DCAF10: variants seen among roughly 807,000 people sequenced by gnomAD.
The protein encoded by DCAF10 is DDB1- and CUL4-associated factor 10.
Under a neutral mutation model 51.9 loss-of-function variants are expected in DCAF10, and 19 were observed. That is an observed-to-expected ratio of 0.37 (90% confidence interval 0.26 to 0.54). DCAF10 has a LOEUF of 0.54. Among genes scored for constraint, DCAF10 ranks in the 20% least tolerant of loss-of-function variants. The pLI is 0.87. For synonymous variants in DCAF10, 291 were observed against 297.1 expected, an observed-to-expected ratio of 0.98 and a Z score of 0.21; for missense variants, 510 against 730.6, an observed-to-expected ratio of 0.70 and a Z score of 3.48.
upstream of DCAF10, chr9:37,800,695 A>G (rs10814624): frequency 0.16 from 247,233 of 1,535,606 alleles, 21,220 homozygotes; most frequent in African/African-American, 0.27. Context: ...GGCGCCCCAA[A>G]CCCGGCGGTG....
At position 37,814,080 on chromosome 9, in the gene DCAF10, C is replaced by CTATATATATA. The variant is rs58660288; in HGVS notation, c.540-5170_540-5161dup. The stretch of plus-strand genomic sequence containing the variant: ...TGAACCACTTTGAAACTATTTGTCA[C>CTATATATATA]TATATATATATATATATATATATAT... On this transcript the variant is annotated intron_variant, in intron 1 of 6. Coordinates refer to ENST00000377724, the MANE Select transcript of DCAF10 (RefSeq NM_024345.5). 4.9e-3 allele frequency among the ~76,000 whole-genome samples: 232 copies of CTATATATATA among 47,046 alleles called. 6 individuals are homozygous for CTATATATATA. The highest frequency in any genetic ancestry group is 6.0e-3 in the Non-Finnish European group (151 of 25,142). The allele number at this position is 47,046 out of a possible 152,430, so 30.9% of individuals were successfully genotyped here. A position where few individuals can be genotyped will look rare whatever the true frequency, so the allele number is the denominator to read the frequency against.
rs1011270389 is a variant in DCAF10 at position 37,862,202 on chromosome 9, A to C, written c.*694A>C. 6.5e-5 allele frequency: 10 copies of C among 152,720 alleles called. No individual in the cohort carries two copies. Among genetic ancestry groups the C allele is most frequent in the African/African-American group, 2.2e-4 (9 of 41,558 alleles). The allele number at this position is 152,720 out of a possible 1,614,324, so 9.5% of individuals were successfully genotyped here. On this transcript the variant is annotated 3_prime_UTR_variant, in exon 7 of 7. Coordinates refer to ENST00000377724, the MANE Select transcript of DCAF10 (RefSeq NM_024345.5). The stretch of plus-strand genomic sequence containing the variant: ...AAAAAATATTACCACCTCTCTTTGT[A>C]ATTTACTTTACTTGTATGAATTTAA...
At chr9:37,808,715 A>T (rs1299344945) in intron 1 of DCAF10, among the ~76,000 whole-genome samples, 1 of 126,464 alleles carries the variant, frequency 7.9e-6, no homozygotes, top group East Asian at 2.0e-4. Flanking sequence ...ATATTTATAT[A>T]TAAAATTTAT....
At chr9:37,830,942 G>C (rs1829987697) in intron 2 of DCAF10, among the ~76,000 whole-genome samples, 1 of 152,208 alleles carries the variant, frequency 6.6e-6, no homozygotes, top group Non-Finnish European at 1.5e-5. Flanking sequence ...AAGAGTTTTG[G>C]CTGGGCGCAG....
rs1349357594 is a variant in DCAF10, at chr9:37,801,374, G to A, written c.508G>A (p.Ala170Thr). Reference protein sequence around the residue: ...SVYLSTRTHGAVFNLEYSPDG... With the variant: ...SVYLSTRTHGTVFNLEYSPDG... Reference sequence around the variant, plus strand: ...GTACCTCAGCACCCGCACCCACGGCGCCGTCTTCAACCTCGAGTACTCGCC... The same window carrying A: ...GTACCTCAGCACCCGCACCCACGGCACCGTCTTCAACCTCGAGTACTCGCC... The change falls in exon 1 of 7, where the codon GCC (alanine) becomes ACC (threonine). Residue 170 changes from alanine to threonine, a missense_variant. Ala to Thr is a moderately conservative substitution (Grantham distance 58). Transcript: ENST00000377724. The surrounding 1 kb of genome is among the most constrained non-coding windows in gnomAD (Gnocchi z 5.5). 1.9e-6 allele frequency: 3 copies of A among 1,542,756 alleles called. No individual in the cohort carries two copies. Among genetic ancestry groups the A allele is most frequent in the Non-Finnish European group, 1.7e-6 (2 of 1,146,216 alleles).
rs766270304 is a variant in DCAF10, at chr9:37,854,906, T to C, written c.978T>C (p.His326=). 6.8e-6 allele frequency: 11 copies of C among 1,613,960 alleles called. No homozygotes were observed. The highest frequency in any genetic ancestry group is 9.3e-6 in the Non-Finnish European group (11 of 1,179,994). ...STSSGYLLIL[H]DLDLTKSLEV... is the part of the protein sequence containing the mutation. The stretch of plus-strand genomic sequence containing the variant: ...CCTCTGGATATCTCTTAATTTTGCA[T>C]GACCTTGACTTAACTAAGTCTTTAG... The change falls in exon 4 of 7, where the codon CAT becomes CAC. Residue 326 remains histidine (H), a synonymous_variant. Coordinates refer to ENST00000377724, the MANE Select transcript of DCAF10 (RefSeq NM_024345.5).
chr9:37,810,830 C>T (rs1243489481), intron 1 of DCAF10, among the ~76,000 whole-genome samples: 1 of 151,962 alleles, frequency 6.6e-6, no homozygotes, highest in Admixed American at 6.6e-5. Context: ...ATTTAGGATC[C>T]GCAATTTAGG....
rs1296461929 is a variant in DCAF10 at position 37,864,637 on chromosome 9, C to G, written c.*3129C>G. On this transcript the variant is annotated 3_prime_UTR_variant, in exon 7 of 7. Coordinates refer to ENST00000377724, the MANE Select transcript of DCAF10 (RefSeq NM_024345.5). Reference sequence around the variant, plus strand: ...AAAATTAGTTTTGGAGGTGAAAACACCCAAACTGTTATTATTTAAAAATAC... The same window carrying G: ...AAAATTAGTTTTGGAGGTGAAAACAGCCAAACTGTTATTATTTAAAAATAC... The G allele has an allele frequency of 6.6e-6, 1 of 151,198 alleles. No individual in the cohort carries two copies. Among genetic ancestry groups the G allele is most frequent in the East Asian group, 1.9e-4 (1 of 5,184 alleles). The allele number at this position is 151,198 out of a possible 1,614,324, so 9.4% of individuals were successfully genotyped here.
In DCAF10 at chr9:37,801,298, T is replaced by C. The variant is rs1828932008; in HGVS notation, c.432T>C (p.Asn144=). The C allele has an allele frequency of 6.3e-7, 1 of 1,597,418 alleles. No individual in the cohort carries two copies. Among genetic ancestry groups the C allele is most frequent in the Non-Finnish European group, 8.5e-7 (1 of 1,174,548 alleles). Residue 144 remains asparagine (N), a synonymous_variant, in exon 1 of 7, where the codon AAT becomes AAC. Coordinates refer to ENST00000377724, the MANE Select transcript of DCAF10 (RefSeq NM_024345.5). The surrounding 1 kb of genome is among the most constrained non-coding windows in gnomAD (Gnocchi z 5.5). ...RGLFVDPARD[N]FRTMTSLYGS... ...TGTTCGTGGACCCGGCGCGGGACAA[T>C]TTTCGCACCATGACTAGCCTCTACG...
chr9:37,852,570 C>A (rs924220478), intron 3 of DCAF10, among the ~76,000 whole-genome samples: 1 of 151,856 alleles, frequency 6.6e-6, no homozygotes, highest in Admixed American at 6.6e-5. Flanking sequence ...TGCACCCCAG[C>A]CTGGGCAACA....
chr9:37,806,473 T>C (rs970015141), intron 1 of DCAF10, among the ~76,000 whole-genome samples: 2 of 152,202 alleles, frequency 1.3e-5, no homozygotes, highest in Non-Finnish European at 2.9e-5. Flanking sequence ...ACCATCTGGC[T>C]TCCCTAAGAG....
chr9:37,824,607 TGAG>T (rs1167907077), intron 2 of DCAF10, among the ~76,000 whole-genome samples: 2 of 147,450 alleles, frequency 1.4e-5, no homozygotes, highest in Non-Finnish European at 3.0e-5. Context: ...ATATAGAAAA[TGAG>T]AAGTAGAAAG....
intron 1 of DCAF10, among the ~76,000 whole-genome samples, chr9:37,816,347 G>C (rs898817505): frequency 6.6e-6 from 1 of 152,218 alleles, no homozygotes; most frequent in Non-Finnish European, 1.5e-5. Context: ...CCAGCACTTT[G>C]GGAGGCTGAG....
intron 1 of DCAF10, among the ~76,000 whole-genome samples, chr9:37,810,859 C>T (rs7030360): frequency 0.18 from 27,889 of 151,964 alleles, 2,856 homozygotes; most frequent in African/African-American, 0.26. Flanking sequence ...TGAAACTCCC[C>T]TCCCCTCACC....
At chr9:37,860,362 T>C in intron 6 of DCAF10, 169 bp downstream of exon 6, 2 of 838,364 alleles carry the variant, frequency 2.4e-6, no homozygotes, top group South Asian at 2.0e-5. Flanking sequence ...CTTCATATGG[T>C]ATCATTATCC....
chr9:37,809,922 G>A (rs554317121), intron 1 of DCAF10, among the ~76,000 whole-genome samples: 2 of 152,128 alleles, frequency 1.3e-5, no homozygotes, highest in African/African-American at 4.8e-5. Context: ...AGGCCAAGGC[G>A]GCTGGATCAC....
chr9:37,803,230 A>T (rs973955258), intron 1 of DCAF10, among the ~76,000 whole-genome samples: 8 of 152,340 alleles, frequency 5.3e-5, no homozygotes, highest in African/African-American at 1.9e-4. Context: ...GATCCCAGAG[A>T]TTAAATGGAT....
At chr9:37,812,304 C>A (rs1829373262) in intron 1 of DCAF10, among the ~76,000 whole-genome samples, 1 of 151,618 alleles carries the variant, frequency 6.6e-6, no homozygotes, top group Non-Finnish European at 1.5e-5. Flanking sequence ...AATATAAAGC[C>A]ACACTTAGCT....
chr9:37,867,092 T>A lies in DCAF10; in HGVS notation c.*5584T>A, dbSNP rs1042983344. 1.3e-5 allele frequency: 2 copies of A among 152,156 alleles called. No homozygotes were observed. Among genetic ancestry groups the A allele is most frequent in the African/African-American group, 4.8e-5 (2 of 41,442 alleles). The allele number at this position is 152,156 out of a possible 1,614,324, so 9.4% of individuals were successfully genotyped here. The stretch of plus-strand genomic sequence containing the variant: ...GTCCTAAGAATTTCTCCCATTCAAA[T>A]GATAATGGAAATTACTGTCAAAAGG... On this transcript the variant is annotated 3_prime_UTR_variant, in exon 7 of 7. Coordinates refer to ENST00000377724, the MANE Select transcript of DCAF10 (RefSeq NM_024345.5).
Sources: gnomAD v4.1 joint callset for allele counts (sites outside exome capture counted in the v4.1 genomes callset) on GRCh38, gnomAD v4.1.1 for gene constraint, Gnocchi (gnomAD v3.1) non-coding constraint, MANE v1.5 for transcripts, NCBI Gene and HGNC (gene_info 2026-07-23, HGNC 2026-07-21) for gene names.